IQCK: variants seen among roughly 807,000 people sequenced by gnomAD.
The protein encoded by IQCK is IQ domain-containing protein K.
IQCK carries 29 observed loss-of-function variants against 28.1 expected under a neutral mutation model. The ratio of observed to expected loss-of-function variants is 1.03; its 90% CI spans 0.77 to 1.41. The LOEUF is 1.41. IQCK is among the 40% of genes most tolerant of loss of function. The pLI, the probability that IQCK is intolerant of heterozygous loss-of-function variation, is 0.00. For missense variants in IQCK, 359 were observed against 314.7 expected (o/e 1.14, Z -1.07); for synonymous variants, 113 against 115.1 (o/e 0.98, Z 0.12).
chr16:19,726,286 C>T (rs1034288411), intron 1 of IQCK, among the ~76,000 whole-genome samples: 1 of 152,076 alleles, frequency 6.6e-6, no homozygotes, highest in Non-Finnish European at 1.5e-5. Context: ...AAGTAAAATA[C>T]CATTTTTTTC....
At chr16:19,739,377 G>A (rs1464410447) in intron 4 of IQCK, among the ~76,000 whole-genome samples, 4 of 152,168 alleles carry the variant, frequency 2.6e-5, no homozygotes, top group Admixed American at 2.6e-4. Flanking sequence ...TAACAAGAGA[G>A]GGCACTCTGC....
At chr16:19,769,828 C>T (rs949633000) in intron 6 of IQCK, among the ~76,000 whole-genome samples, 10 of 152,086 alleles carry the variant, frequency 6.6e-5, no homozygotes, top group Non-Finnish European at 1.2e-4. Flanking sequence ...TCTTTATAGC[C>T]GTAAGGTATT....
intron 1 of IQCK, among the ~76,000 whole-genome samples, chr16:19,726,278 G>C (rs1425688415): frequency 1.3e-5 from 2 of 152,112 alleles, no homozygotes; most frequent in African/African-American, 4.8e-5. Context: ...GCAAATAAAA[G>C]TAAAATACCA....
chr16:19,742,164 G>C (rs563131385), intron 4 of IQCK, among the ~76,000 whole-genome samples: 1 of 152,132 alleles, frequency 6.6e-6, no homozygotes. Flanking sequence ...CCTGTCATTG[G>C]GCGGAAGAGG....
At chr16:19,820,983 A>G (rs1364497950) in intron 7 of IQCK, among the ~76,000 whole-genome samples, 2 of 152,228 alleles carry the variant, frequency 1.3e-5, no homozygotes, top group Non-Finnish European at 2.9e-5. Flanking sequence ...GTCATTAAAC[A>G]TTAGAGAAGT....
At chr16:19,852,784 G>A (rs1203593063) in intron 9 of IQCK, among the ~76,000 whole-genome samples, 3 of 151,822 alleles carry the variant, frequency 2.0e-5, no homozygotes, top group East Asian at 1.9e-4. Flanking sequence ...CACCATGCCC[G>A]GCTAATTTTT....
intron 1 of IQCK, among the ~76,000 whole-genome samples, chr16:19,722,488 A>G (rs940003224): frequency 3.9e-5 from 6 of 152,044 alleles, no homozygotes; most frequent in African/African-American, 1.4e-4. Flanking sequence ...TCCAGCTCCT[A>G]TCAGTCTTTC....
intron 6 of IQCK, among the ~76,000 whole-genome samples, chr16:19,775,596 A>G (rs927689505): frequency 6.6e-6 from 1 of 152,206 alleles, no homozygotes; most frequent in Non-Finnish European, 1.5e-5. Context: ...ATACCAAAAT[A>G]CCAGTGGCTT....
At chr16:19,799,620 A>G (rs1392202900) in intron 7 of IQCK, among the ~76,000 whole-genome samples, 1 of 140,808 alleles carries the variant, frequency 7.1e-6, no homozygotes, top group East Asian at 1.9e-4. Flanking sequence ...ACACACACAC[A>G]CACACACACA....
chr16:19,755,949 G>A (rs912324030), intron 4 of IQCK, among the ~76,000 whole-genome samples: 2 of 152,146 alleles, frequency 1.3e-5, no homozygotes, highest in African/African-American at 2.4e-5. Flanking sequence ...TTGGGAGGCC[G>A]AGGCTGGAGG....
At position 19,847,247 on chromosome 16, in the gene IQCK, G is replaced by T. The variant is rs112767648; in HGVS notation, c.803-9240G>T. Among the ~76,000 whole-genome samples, 1,235 of 152,284 alleles carry T rather than the reference G, an allele frequency of 8.1e-3. 18 individuals are homozygous for T. Among genetic ancestry groups the T allele is most frequent in the African/African-American group, 0.028 (1,164 of 41,562 alleles). ...ATATTGTCCATAGGGACCCTCTTGG[G>T]TGTGTAAGACTCTTTGAGGATCTGA... On this transcript the variant is annotated intron_variant, in intron 9 of 9. Transcript: ENST00000320394.
intron 6 of IQCK, among the ~76,000 whole-genome samples, chr16:19,783,021 C>T (rs571006520): frequency 2.1e-5 from 3 of 146,276 alleles, no homozygotes; most frequent in South Asian, 2.1e-4. Flanking sequence ...GTGTGTGAGA[C>T]GGAGTCTTGT....
In IQCK at chr16:19,763,914, G is replaced by T; in HGVS notation, c.527+14G>T. 6.2e-7 allele frequency: 1 copy of T among 1,612,082 alleles called. No homozygotes were observed. On this transcript the variant is annotated intron_variant, in intron 5 of 7. Transcript: ENST00000564186. ...GTGGTTATACAAGTAAGTTGTTCGT[G>T]TCTGACTATTCAGTGATCCTAAGAA... is the stretch of plus-strand genomic sequence containing the variant.
At chr16:19,845,686 TACTC>T (rs2056408526) in intron 9 of IQCK, among the ~76,000 whole-genome samples, 1 of 152,236 alleles carries the variant, frequency 6.6e-6, no homozygotes, top group Non-Finnish European at 1.5e-5. Flanking sequence ...AACTAAGGCT[TACTC>T]AATGATTTAA....
intron 4 of IQCK, among the ~76,000 whole-genome samples, chr16:19,742,461 T>C (rs935861801): frequency 6.6e-6 from 1 of 151,542 alleles, no homozygotes; most frequent in African/African-American, 2.4e-5. Flanking sequence ...ACTCCCCTTA[T>C]CCTGATCTGC....
intron 1 of IQCK, among the ~76,000 whole-genome samples, chr16:19,729,025 AT>A: frequency 6.6e-6 from 1 of 152,258 alleles, no homozygotes; most frequent in East Asian, 1.9e-4. Context: ...TTCCAGAAAT[AT>A]TTTTACCAGT....
At chr16:19,781,542 G>T (rs1248852869) in intron 6 of IQCK, among the ~76,000 whole-genome samples, 1 of 152,192 alleles carries the variant, frequency 6.6e-6, no homozygotes, top group Non-Finnish European at 1.5e-5. Flanking sequence ...AAGCTCTGCA[G>T]GTTTTGGAGC....
At chr16:19,757,669 C>CA (rs1411837178) in intron 4 of IQCK, among the ~76,000 whole-genome samples, 6 of 152,134 alleles carry the variant, frequency 3.9e-5, no homozygotes, top group Non-Finnish European at 2.9e-5. Flanking sequence ...GACTCTGTCT[C>CA]AAAAAACAAA....
intron 7 of IQCK, among the ~76,000 whole-genome samples, chr16:19,799,597 TACACACACAC>T (rs529119301): frequency 1.3e-4 from 15 of 111,656 alleles, no homozygotes; most frequent in African/African-American, 6.8e-4. Context: ...TATATATATA[TACACACACAC>T]ACACACACAC....
Sources: allele counts gnomAD v4.1 joint callset (sites outside exome capture counted in the v4.1 genomes callset), GRCh38; gene constraint gnomAD v4.1.1; transcripts MANE v1.5; gene names NCBI Gene and HGNC (gene_info 2026-07-23, HGNC 2026-07-21).